TPGS1: variants seen among roughly 807,000 people sequenced by gnomAD.
The protein encoded by TPGS1 is tubulin polyglutamylase complex subunit 1.
Under a neutral mutation model 11.9 loss-of-function variants are expected in TPGS1, and 18 were observed. The ratio of observed to expected loss-of-function variants is 1.51; its 90% confidence interval spans 1.04 to 2.24. TPGS1 has a LOEUF of 2.24. Ranked by LOEUF, TPGS1 falls within the 30% of genes most tolerant of loss-of-function variation. The pLI is 0.00. For missense variants in TPGS1, 500 were observed against 443.0 expected (o/e 1.13, Z -1.16); for synonymous variants, 247 against 218.2 (o/e 1.13, Z -1.16).
At chr19:512,798 G>A (rs118092096) in intron 1 of TPGS1, among the ~76,000 whole-genome samples, 2,974 of 152,390 alleles carry the variant, frequency 0.02, 31 homozygotes, top group Non-Finnish European at 0.033. Context: ...AACGGACAGA[G>A]TGTGGCCTCC....
rs1448898353 is a variant in TPGS1, at chr19:518,922, C to T, written c.372C>T (p.Tyr124=). ...AAFNNNVSVA[Y]ECLSAGGRRK... ...TCAACAACAACGTGAGCGTGGCCTA[C>T]GAGTGCCTGAGCGCCGGCGGGCGCA... is the stretch of plus-strand genomic sequence containing the variant. Residue 124 remains tyrosine (Y), a synonymous_variant, in exon 2 of 2, where the codon TAC becomes TAT. Coordinates refer to ENST00000359315, the MANE Select transcript of TPGS1 (RefSeq NM_033513.3). 1.9e-6 allele frequency: 3 copies of T among 1,574,260 alleles called. No homozygotes were observed. The highest frequency in any genetic ancestry group is 2.3e-5 in the East Asian group (1 of 43,674).
At chr19:511,261 A>ACCCGATGATTCTGCTGGGAGCCG (rs1978786033) in intron 1 of TPGS1, among the ~76,000 whole-genome samples, 1 of 151,486 alleles carries the variant, frequency 6.6e-6, no homozygotes. Flanking sequence ...CTCCTCCCTC[A>ACCCGATGATTCTGCTGGGAGCCG]CCCGATGATT....
intron 1 of TPGS1, among the ~76,000 whole-genome samples, chr19:515,278 G>C (rs1286518568): frequency 6.6e-6 from 1 of 152,118 alleles, no homozygotes; most frequent in Non-Finnish European, 1.5e-5. Flanking sequence ...ACTGTCACCT[G>C]TAATCCCAGC....
At chr19:514,607 G>C (rs754883857) in intron 1 of TPGS1, among the ~76,000 whole-genome samples, 1 of 152,222 alleles carries the variant, frequency 6.6e-6, no homozygotes, top group African/African-American at 2.4e-5. Flanking sequence ...AGGTGAAGTC[G>C]TGTGCCCAGG....
At chr19:516,040 A>G (rs1398229921) in intron 1 of TPGS1, among the ~76,000 whole-genome samples, 1 of 150,114 alleles carries the variant, frequency 6.7e-6, no homozygotes, top group African/African-American at 2.4e-5. Flanking sequence ...TCAAAAAAAA[A>G]AAAAAAAGGA....
In TPGS1 at chr19:519,315, G is replaced by A. The variant is rs927720581; in HGVS notation, c.765G>A (p.Ala255=). 2.3e-5 allele frequency: 27 copies of A among 1,187,620 alleles called. No individual in the cohort carries two copies. The African/African-American group carries it at 3.2e-4, about 14-fold the overall frequency. The allele number at this position is 1,187,620 out of a possible 1,614,324, so 73.6% of individuals were successfully genotyped here. A position where few individuals can be genotyped will look rare whatever the true frequency, so the allele number is the denominator to read the frequency against. The change falls in exon 2 of 2, where the codon GCG becomes GCA. Residue 255 remains alanine, a synonymous_variant. Coordinates refer to ENST00000359315, the MANE Select transcript of TPGS1 (RefSeq NM_033513.3). ...TGGGGCCCGACAGCCTGGCGCTGGC[G>A]CTGGACCGCGCCGTCGGGGGGCGGC... is the stretch of plus-strand genomic sequence containing the variant. ...SRLGPDSLAL[A]LDRAVGGRRP...
At chr19:510,602 C>T (rs988693334) in intron 1 of TPGS1, among the ~76,000 whole-genome samples, 8 of 152,178 alleles carry the variant, frequency 5.3e-5, no homozygotes, top group African/African-American at 1.9e-4. Flanking sequence ...CTGCCACCTT[C>T]CTGGTCGTCT....
intron 1 of TPGS1, among the ~76,000 whole-genome samples, chr19:512,905 G>T (rs1266391878): frequency 6.6e-6 from 1 of 152,234 alleles, no homozygotes; most frequent in Non-Finnish European, 1.5e-5. Context: ...CGCTCGCGCA[G>T]CTCCCAGGGA....
intron 1 of TPGS1, 137 bp from the exon 2 acceptor site, chr19:518,752 T>C (rs1256308628): frequency 4.1e-6 from 3 of 733,722 alleles, no homozygotes; most frequent in Non-Finnish European, 3.6e-6. Flanking sequence ...AGGCCGGGGA[T>C]GGGGGGTAGG....
chr19:512,597 G>T (rs1209820778), intron 1 of TPGS1, among the ~76,000 whole-genome samples: 1 of 152,268 alleles, frequency 6.6e-6, no homozygotes, highest in African/African-American at 2.4e-5. Flanking sequence ...CACGTTTCAG[G>T]GGGCAAAGCA....
At chr19:514,929 C>G (rs918647540) in intron 1 of TPGS1, among the ~76,000 whole-genome samples, 3 of 152,244 alleles carry the variant, frequency 2.0e-5, no homozygotes, top group African/African-American at 7.2e-5. Flanking sequence ...TGTCACACTA[C>G]CAGCACACGA....
intron 1 of TPGS1, among the ~76,000 whole-genome samples, chr19:518,686 A>G (rs4919838): frequency 0.6 from 78,576 of 130,042 alleles, 24,113 homozygotes; most frequent in African/African-American, 0.69. Context: ...TAGCTGGGAG[A>G]AGGGAGGCGG....
Position 519,302 on chromosome 19 carries a change from G to T in TPGS1, c.752G>T (p.Ser251Ile), listed in dbSNP as rs1979076251. 1 of 1,188,894 alleles carries T rather than the reference G, an allele frequency of 8.4e-7. No individual in the cohort carries two copies. Among genetic ancestry groups the T allele is most frequent in the East Asian group, 3.7e-5 (1 of 26,874 alleles). The allele number at this position is 1,188,894 out of a possible 1,614,324, so 73.6% of individuals were successfully genotyped here. ...GCCGGCTCGCGCTTGGGGCCCGACA[G>T]CCTGGCGCTGGCGCTGGACCGCGCC... ...LEAGSRLGPD[S>I]LALALDRAVG... Residue 251 changes from serine (S) to isoleucine (I), a missense_variant, in exon 2 of 2, where the codon AGC becomes ATC. Coordinates refer to ENST00000359315, the MANE Select transcript of TPGS1 (RefSeq NM_033513.3).
chr19:507,596 G>A lies in TPGS1; in HGVS notation c.90G>A (p.Gly30=), dbSNP rs1978657349. Residue 30 remains glycine (G), a synonymous_variant, in exon 1 of 2, where the codon GGG becomes GGA. Transcript: ENST00000359315. Reference sequence around the variant, plus strand: ...GCCAGTCGGTATCCCGGGCGGCGGGGGCGGCCGAGAGCGAGGAGGACTTCC... The same window carrying A: ...GCCAGTCGGTATCCCGGGCGGCGGGAGCGGCCGAGAGCGAGGAGGACTTCC... ...SGRQSVSRAA[G]AAESEEDFLR... The A allele has an allele frequency of 3.6e-6, 5 of 1,402,978 alleles. No homozygotes were observed. The highest frequency in any genetic ancestry group is 4.7e-6 in the Non-Finnish European group (5 of 1,069,546). The allele number at this position is 1,402,978 out of a possible 1,614,324, so 86.9% of individuals were successfully genotyped here.
chr19:512,813 C>G (rs1978839332), intron 1 of TPGS1, among the ~76,000 whole-genome samples: 1 of 152,220 alleles, frequency 6.6e-6, no homozygotes. Flanking sequence ...GCCTCCGAGG[C>G]GGGTCACGAA....
chr19:510,496 G>A (rs1978762633), intron 1 of TPGS1: 1 of 152,058 alleles, frequency 6.6e-6, no homozygotes, highest in Non-Finnish European at 1.5e-5. Context: ...GGTAGGCTGG[G>A]GGAGAAGTCA....
intron 1 of TPGS1, among the ~76,000 whole-genome samples, chr19:515,168 C>T (rs572841431): frequency 6.6e-6 from 1 of 152,156 alleles, no homozygotes; most frequent in Non-Finnish European, 1.5e-5. Context: ...GCTTTATTTA[C>T]AAAAGCAGGC....
intron 1 of TPGS1, chr19:509,485 G>C (rs1285531356): frequency 1.3e-5 from 2 of 152,492 alleles, no homozygotes; most frequent in African/African-American, 4.8e-5. Context: ...CAGTTCTGGA[G>C]GGCAGAAGTC....
At position 519,523 on chromosome 19, in the gene TPGS1, AGGCGCCCAGCCCTGCGGAGGAGGCCG is replaced by A. The variant is rs887734899; in HGVS notation, c.*103_*128del. The A allele has an allele frequency of 9.2e-7, 1 of 1,083,088 alleles. No homozygotes were observed. Among genetic ancestry groups the A allele is most frequent in the Non-Finnish European group, 1.1e-6 (1 of 874,186 alleles). 67.1% of individuals were successfully genotyped at this position (1,083,088 alleles called of 1,614,324 possible). A position where few individuals can be genotyped will look rare whatever the true frequency, so the allele number is the denominator to read the frequency against. On this transcript the variant is annotated 3_prime_UTR_variant, in exon 2 of 2. Coordinates refer to ENST00000359315, the MANE Select transcript of TPGS1 (RefSeq NM_033513.3). ...GCCCTGGTGAGGCCCTGCCATAACC[AGGCGCCCAGCCCTGCGGAGGAGGCCG>A]GGGCTCCCAGGAAGCGGACGCCCGG...
Sources: gnomAD v4.1 joint callset for allele counts (sites outside exome capture counted in the v4.1 genomes callset) on GRCh38, gnomAD v4.1.1 for gene constraint, MANE v1.5 for transcripts, NCBI Gene and HGNC (gene_info 2026-07-23, HGNC 2026-07-21) for gene names.